ARHGEF11: variants seen among roughly 807,000 people sequenced by gnomAD.
ARHGEF11 encodes Rho guanine nucleotide exchange factor 11.
Under a neutral mutation model 193.7 loss-of-function variants are expected in ARHGEF11, and 55 were observed. The ratio of observed to expected loss-of-function variants is 0.28; its 90% CI spans 0.23 to 0.36. The LOEUF (loss-of-function observed/expected upper bound fraction) is 0.36, where lower values mean the gene tolerates loss of function less well. Among genes scored for constraint, ARHGEF11 ranks in the 10% least tolerant of loss-of-function variants. The pLI, the probability that ARHGEF11 is intolerant of heterozygous loss-of-function variation, is 1.00. For missense variants in ARHGEF11, 1,723 were observed against 2,005.6 expected (o/e 0.86, Z 2.69); for synonymous variants, 693 against 768.0 (o/e 0.90, Z 1.62).
chr1:156,941,276 CTGATG>C, intron 35 of ARHGEF11, 91 bp downstream of exon 35: 1 of 1,169,740 alleles, frequency 8.5e-7, no homozygotes, highest in Non-Finnish European at 1.3e-6. Context: ...ACCCCGGGCC[CTGATG>C]GACTCTCCCA....
In ARHGEF11 at chr1:156,943,999, G is replaced by A; in HGVS notation, c.3171C>T (p.Asp1057=). 1.2e-6 allele frequency: 2 copies of A among 1,614,194 alleles called. No individual in the cohort carries two copies. The highest frequency in any genetic ancestry group is 1.7e-6 in the Non-Finnish European group (2 of 1,180,012). ...GCACGGGGCTGAAGGTCTGCTTGCT[G>A]TCTGAGGAGCCCACAGCAGTCTTGC... ...CHSKTAVGSS[D]SKQTFSPVLK... is the part of the protein sequence containing the mutation. Residue 1057 remains aspartate, a synonymous_variant, in exon 32 of 41, where the codon GAC becomes GAT. Transcript: ENST00000368194.
chr1:156,971,672 CT>C, intron 8 of ARHGEF11, 24 bp downstream of exon 8: 1 of 1,610,046 alleles, frequency 6.2e-7, no homozygotes, highest in Non-Finnish European at 8.5e-7. Context: ...TGTGCCCTTA[CT>C]AGAGCTGTGC....
intron 1 of ARHGEF11, among the ~76,000 whole-genome samples, chr1:156,991,600 G>T (rs997483425): frequency 1.3e-5 from 2 of 152,022 alleles, no homozygotes; most frequent in South Asian, 4.1e-4. Flanking sequence ...GATTACAGGC[G>T]TGAGCCACTG....
intron 22 of ARHGEF11, among the ~76,000 whole-genome samples, chr1:156,950,317 C>G (rs1658886155): frequency 6.6e-6 from 1 of 152,090 alleles, no homozygotes; most frequent in African/African-American, 2.4e-5. Flanking sequence ...GAAAGGTTGG[C>G]TTATGGTTTG....
At position 156,948,686 on chromosome 1, in the gene ARHGEF11, C is replaced by A; in HGVS notation, c.1926-188G>T. Reference sequence around the variant, plus strand: ...ATGACAGACTATTTTTGCTGCTCTACAAACTCCTCCTCTCTCCCCAGCCTA... The same window carrying A: ...ATGACAGACTATTTTTGCTGCTCTAAAAACTCCTCCTCTCTCCCCAGCCTA... On this transcript the variant is annotated intron_variant, in intron 22 of 40. Transcript: ENST00000368194. The surrounding 1 kb of genome is among the most constrained non-coding windows in gnomAD (Gnocchi z 4.2). The A allele has an allele frequency of 6.5e-7, 1 of 1,530,868 alleles. No homozygotes were observed. The allele number at this position is 1,530,868 out of a possible 1,614,324, so 94.8% of individuals were successfully genotyped here.
intron 17 of ARHGEF11, 38 bp downstream of exon 17, chr1:156,958,704 G>A: frequency 6.2e-7 from 1 of 1,613,570 alleles, no homozygotes. Context: ...AACCTGCTTA[G>A]GATGTTCAGT....
intron 14 of ARHGEF11, among the ~76,000 whole-genome samples, chr1:156,961,115 A>C (rs1207348909): frequency 1.3e-5 from 2 of 152,262 alleles, no homozygotes; most frequent in Non-Finnish European, 2.9e-5. Context: ...CAGATTAGAA[A>C]GTCTGGGATG....
At chr1:156,959,186 G>T in intron 15 of ARHGEF11, 44 bp from the exon 16 acceptor site, 1 of 1,548,554 alleles carries the variant, frequency 6.5e-7, no homozygotes, top group Non-Finnish European at 8.9e-7. Context: ...GGGGTACTGG[G>T]GGTGGAGGGG....
In ARHGEF11 at chr1:156,996,772, C is replaced by CAAAAAAA. The variant is rs66730438; in HGVS notation, c.33-10606_33-10600dup. On this transcript the variant is annotated intron_variant, in intron 1 of 40. Coordinates refer to ENST00000368194, the MANE Select transcript of ARHGEF11 (RefSeq NM_198236.3). ...TGGGCGACAGAGCGAGACTCTGTCT[C>CAAAAAAA]AAAAAAAAAAAAAAAAAAAAAAGAC... Among the ~76,000 whole-genome samples the CAAAAAAA allele has an allele frequency of 2.1e-4, 8 of 38,642 alleles. 1 individual carries two copies. The highest frequency in any genetic ancestry group is 3.0e-3 in the East Asian group (2 of 660). The allele number at this position is 38,642 out of a possible 152,430, so 25.4% of individuals were successfully genotyped here.
intron 1 of ARHGEF11, among the ~76,000 whole-genome samples, chr1:157,032,286 A>G (rs1334124954): frequency 6.6e-6 from 1 of 152,226 alleles, no homozygotes; most frequent in Non-Finnish European, 1.5e-5. Flanking sequence ...TTCCCAGCAG[A>G]GTAGAGCCAC....
Position 156,953,432 on chromosome 1 carries a change from T to C in ARHGEF11, c.1798+1460A>G, listed in dbSNP as rs151236230. Reference sequence around the variant, plus strand: ...CAGCCTGGGCAACAGGGCGAAACCCTGTCTCAAAACACAAAAACAAAAACA... The same window carrying C: ...CAGCCTGGGCAACAGGGCGAAACCCCGTCTCAAAACACAAAAACAAAAACA... On this transcript the variant is annotated intron_variant, in intron 21 of 40. Transcript: ENST00000368194. Among the ~76,000 whole-genome samples, 667 of 152,212 alleles carry C rather than the reference T, an allele frequency of 4.4e-3. 2 individuals are homozygous for C. Among genetic ancestry groups the C allele is most frequent in the Middle Eastern group, 0.014 (4 of 294 alleles).
At chr1:156,942,511 C>G (rs937808937) in intron 33 of ARHGEF11, among the ~76,000 whole-genome samples, 179 bp downstream of exon 33, 1 of 152,232 alleles carries the variant, frequency 6.6e-6, no homozygotes, top group South Asian at 2.1e-4. Context: ...GTGACCAGGT[C>G]GGGGGTGATG....
intron 32 of ARHGEF11, among the ~76,000 whole-genome samples, chr1:156,943,406 C>T (rs1557828306): frequency 6.6e-6 from 1 of 152,140 alleles, no homozygotes; most frequent in Non-Finnish European, 1.5e-5. Flanking sequence ...TTTTGATGCC[C>T]ACAAGAGGTA....
upstream of ARHGEF11, among the ~76,000 whole-genome samples, chr1:157,046,154 A>T (rs4262535): frequency 2.0e-5 from 3 of 150,044 alleles, no homozygotes; most frequent in East Asian, 6.0e-4. Flanking sequence ...GCGGGTTCCC[A>T]TCTCAGCCGG....
In ARHGEF11 at chr1:156,978,188, C is replaced by G. The variant is rs750262592; in HGVS notation, c.510+16G>C. On this transcript the variant is annotated intron_variant, in intron 6 of 40. Transcript: ENST00000368194. ...AGGACATTAGGGTGAGGAAAGAAAG[C>G]CAGGAGGATTATTACCTGCAGAGGT... is the stretch of plus-strand genomic sequence containing the variant. 1 of 1,614,040 alleles carries G rather than the reference C, an allele frequency of 6.2e-7. No individual in the cohort carries two copies. Among genetic ancestry groups the G allele is most frequent in the Non-Finnish European group, 8.5e-7 (1 of 1,179,956 alleles).
chr1:156,980,634 C>T (rs1663995149), intron 3 of ARHGEF11, 148 bp from the exon 4 acceptor site: 1 of 832,522 alleles, frequency 1.2e-6, no homozygotes. Context: ...TCCTATTCTA[C>T]TCCAGTGACA....
In ARHGEF11 at chr1:156,982,517, C is replaced by T. The variant is rs542260964; in HGVS notation, c.223+1822G>A. On this transcript the variant is annotated intron_variant, in intron 3 of 40. Coordinates refer to ENST00000368194, the MANE Select transcript of ARHGEF11 (RefSeq NM_198236.3). ...ATCCAAATGAAGTCTCTTTTACTCT[C>T]CTCCCCAACACACACATGCACACAG... Among the ~76,000 whole-genome samples the T allele has an allele frequency of 8.5e-5, 13 of 152,218 alleles. No individual in the cohort carries two copies. In the South Asian group the frequency reaches 2.7e-3, roughly 32 times the overall value.
rs1202775496 is a variant in ARHGEF11, at chr1:157,044,551, TA to T, written c.-222del. On this transcript the variant is annotated 5_prime_UTR_variant, in exon 1 of 41. Coordinates refer to ENST00000368194, the MANE Select transcript of ARHGEF11 (RefSeq NM_198236.3). ...CAGCCCCTCTTCCCCTCCCCCGCTT[TA>T]AAAAAAAAGAAAAGAAAAGAAAAAA... is the stretch of plus-strand genomic sequence containing the variant. 8.2e-5 allele frequency: 33 copies of T among 403,000 alleles called. No individual in the cohort carries two copies. Among genetic ancestry groups the T allele is most frequent in the South Asian group, 3.8e-4 (4 of 10,664 alleles). The allele number at this position is 403,000 out of a possible 1,614,324, so 25.0% of individuals were successfully genotyped here.
chr1:156,941,850 GC>G lies in ARHGEF11; in HGVS notation c.3452+13del. Reference sequence around the variant, plus strand: ...GTGGAGAGAGTGCAGGGTCTGGAGGGCTAAGCACTGCACCTGCTGGGTGTGG... The same window carrying G: ...GTGGAGAGAGTGCAGGGTCTGGAGGGTAAGCACTGCACCTGCTGGGTGTGG... On this transcript the variant is annotated intron_variant, in intron 34 of 40. Coordinates refer to ENST00000368194, the MANE Select transcript of ARHGEF11 (RefSeq NM_198236.3). The G allele has an allele frequency of 6.2e-7, 1 of 1,601,164 alleles. No homozygotes were observed. Among genetic ancestry groups the G allele is most frequent in the Non-Finnish European group, 8.5e-7 (1 of 1,174,272 alleles).
Sources: allele counts gnomAD v4.1 joint callset (sites outside exome capture counted in the v4.1 genomes callset), GRCh38; gene constraint gnomAD v4.1.1; non-coding constraint Gnocchi (gnomAD v3.1); transcripts MANE v1.5; gene names NCBI Gene and HGNC (gene_info 2026-07-23, HGNC 2026-07-21).